WASHC5: variants seen among roughly 807,000 people sequenced by gnomAD.
WASHC5 encodes the protein WASH complex subunit 5, also known as WASH complex subunit strumpellin.
WASHC5 carries 101 observed loss-of-function variants against 150.4 expected under a neutral mutation model. The observed-to-expected ratio is 0.67, with a 90% CI of 0.57 to 0.79. The LOEUF (loss-of-function observed/expected upper bound fraction) is 0.79. Among genes scored for constraint, WASHC5 ranks in the 30% least tolerant of loss-of-function variants. The pLI, the probability that WASHC5 is intolerant of heterozygous loss-of-function variation, is 0.00. For synonymous variants in WASHC5, 467 were observed against 491.2 expected, an observed-to-expected ratio of 0.95 and a Z score of 0.65; for missense variants, 1,195 against 1,396.3, an observed-to-expected ratio of 0.86 and a Z score of 2.30.
intron 9 of WASHC5, among the ~76,000 whole-genome samples, chr8:125,072,758 C>G (rs184954034): frequency 1.5e-3 from 229 of 152,230 alleles, no homozygotes; most frequent in African/African-American, 5.4e-3. Context: ...CTCAATCCCC[C>G]TTTTTCATGT....
intron 28 of WASHC5, among the ~76,000 whole-genome samples, chr8:125,025,497 G>A (rs1392267955): frequency 6.6e-6 from 1 of 152,094 alleles, no homozygotes; most frequent in East Asian, 1.9e-4. Context: ...AGACCAGCCT[G>A]ACTAACATGG....
intron 14 of WASHC5, among the ~76,000 whole-genome samples, chr8:125,058,966 TA>T (rs959714487): frequency 6.6e-6 from 1 of 151,246 alleles, no homozygotes; most frequent in African/African-American, 2.4e-5. Context: ...AGATAAAACT[TA>T]AAAAAAAATC....
Position 125,034,484 on chromosome 8 carries a change from C to T in WASHC5, c.3182-2090G>A, listed in dbSNP as rs138456748. On this transcript the variant is annotated intron_variant, in intron 26 of 28. Coordinates refer to ENST00000318410, the MANE Select transcript of WASHC5 (RefSeq NM_014846.4). ...CGCTACTGCACTTCAGCCTGGGTGA[C>T]AGAGTGAGACTCTGTTTCAGAAAAA... Among the ~76,000 whole-genome samples the T allele has an allele frequency of 3.3e-3, 507 of 151,772 alleles. 4 individuals are homozygous for T. The highest frequency in any genetic ancestry group is 0.012 in the African/African-American group (483 of 41,358).
chr8:125,087,412 G>A (rs1817451825), intron 1 of WASHC5, among the ~76,000 whole-genome samples: 1 of 152,170 alleles, frequency 6.6e-6, no homozygotes, highest in Non-Finnish European at 1.5e-5. Context: ...GGAACAACAA[G>A]TAGGTGAGGG....
rs542980002 is a variant in WASHC5 at position 125,083,590 on chromosome 8, G to A, written c.186+123C>T. On this transcript the variant is annotated intron_variant, in intron 2 of 28. Coordinates refer to ENST00000318410, the MANE Select transcript of WASHC5 (RefSeq NM_014846.4). ...AAGTTAGTAGCTAATATTAAGTTTA[G>A]TCGAAAAGCTCTTCTCTTTAGCTTT... The A allele has an allele frequency of 2.1e-5, 16 of 758,012 alleles. No homozygotes were observed. In the Admixed American group the frequency reaches 2.1e-4, roughly 10 times the overall value. The allele number at this position is 758,012 out of a possible 1,614,324, so 47.0% of individuals were successfully genotyped here. A position where few individuals can be genotyped will look rare whatever the true frequency, so the allele number is the denominator to read the frequency against.
In WASHC5 at chr8:125,063,036, C is replaced by T. The variant is rs114810228; in HGVS notation, c.1408+486G>A. On this transcript the variant is annotated intron_variant, in intron 11 of 28. Coordinates refer to ENST00000318410, the MANE Select transcript of WASHC5 (RefSeq NM_014846.4). ...TCTGCTACTAGATAGCAGGTGCATT[C>T]GTGAACAAGAATCAAGCAAAATCAG... Among the ~76,000 whole-genome samples the T allele has an allele frequency of 6.8e-3, 1,039 of 152,098 alleles. 7 individuals are homozygous for T. The highest frequency in any genetic ancestry group is 0.024 in the African/African-American group (977 of 41,478).
intron 9 of WASHC5, among the ~76,000 whole-genome samples, chr8:125,071,919 G>C (rs1816906869): frequency 6.6e-6 from 1 of 152,210 alleles, no homozygotes; most frequent in Non-Finnish European, 1.5e-5. Flanking sequence ...AGCAGCTAAA[G>C]GCTGCCTGTA....
At chr8:125,060,677 C>A (rs1816568780) in intron 12 of WASHC5, among the ~76,000 whole-genome samples, 1 of 151,876 alleles carries the variant, frequency 6.6e-6, no homozygotes. Context: ...AGCATATGAC[C>A]ATTATATAAT....
At chr8:125,042,410 T>C (rs1815918206) in intron 23 of WASHC5, among the ~76,000 whole-genome samples, 1 of 152,198 alleles carries the variant, frequency 6.6e-6, no homozygotes. Context: ...AACATTTCCA[T>C]TGTTGTTCCA....
In WASHC5 at chr8:125,067,705, T is replaced by A; in HGVS notation, c.1165A>T (p.Asn389Tyr). 1 of 1,613,896 alleles carries A rather than the reference T, an allele frequency of 6.2e-7. No homozygotes were observed. Among genetic ancestry groups the A allele is most frequent in the Non-Finnish European group, 8.5e-7 (1 of 1,179,832 alleles). The change falls in exon 10 of 29, where the codon AAC (asparagine) becomes TAC (tyrosine). Residue 389 changes from asparagine to tyrosine, a missense_variant. By Grantham distance (143) the Asn-to-Tyr change is moderately radical. Transcript: ENST00000318410. ...HTADSACDPN[N>Y]KRLRQIKDQI... is the part of the protein sequence containing the mutation. ...TCCTTGATTTGACGAAGGCGTTTGT[T>A]GTTTGGGTCACAGGCTAGAAACAGG... is the stretch of plus-strand genomic sequence containing the variant.
In WASHC5 at chr8:125,084,028, TC is replaced by T. The variant is rs1191917729; in HGVS notation, c.-124-7del. 1.2e-5 allele frequency: 10 copies of T among 846,232 alleles called. No individual in the cohort carries two copies. The highest frequency in any genetic ancestry group is 5.1e-5 in the African/African-American group (3 of 58,430). The allele number at this position is 846,232 out of a possible 1,614,324, so 52.4% of individuals were successfully genotyped here. A position where few individuals can be genotyped will look rare whatever the true frequency, so the allele number is the denominator to read the frequency against. On this transcript the variant is annotated splice_polypyrimidine_tract_variant and splice_region_variant and intron_variant, in intron 1 of 28. Transcript: ENST00000318410. ...TGGCTCCTCCATTAAAGAACCTGTATCCCCAAAAAAAGTGTGAAAATCTCAA... is the reference window on the plus strand; with the variant it reads ...TGGCTCCTCCATTAAAGAACCTGTATCCCAAAAAAAGTGTGAAAATCTCAA...
chr8:125,078,652 AGAAG>A, intron 6 of WASHC5, 82 bp downstream of exon 6: 1 of 1,107,378 alleles, frequency 9.0e-7, no homozygotes, highest in Non-Finnish European at 1.4e-6. Flanking sequence ...CTTTTGGGAA[AGAAG>A]GAAGGAAAGG....
rs762363112 is a variant in WASHC5 at position 125,073,183 on chromosome 8, G to A, written c.1120C>T (p.Arg374Ter). The change falls in exon 9 of 29, where the codon CGA becomes TGA. Residue 374 changes from arginine to a stop codon, truncating the protein, a stop_gained. Transcript: ENST00000318410. LOFTEE classifies it high-confidence loss of function. ...TCTGCTGTATGAAGCATCAGCCATC[G>A]GATGGCAACATTGCAGTCTCTCAGG... ...NCLRDCNVAI[R>*]WLMLHTADSA... 6.8e-6 allele frequency: 11 copies of A among 1,613,972 alleles called. No homozygotes were observed. The highest frequency in any genetic ancestry group is 6.7e-5 in the East Asian group (3 of 44,884).
At chr8:125,061,391 T>C (rs2130109287) in intron 11 of WASHC5, among the ~76,000 whole-genome samples, 197 bp from the exon 12 acceptor site, 1 of 152,318 alleles carries the variant, frequency 6.6e-6, no homozygotes, top group East Asian at 1.9e-4. Context: ...AATAGCTTAG[T>C]CTACAGCACT....
chr8:125,032,688 T>A (rs1042481616), intron 26 of WASHC5: 1 of 404,886 alleles, frequency 2.5e-6, no homozygotes, highest in East Asian at 5.4e-5. Flanking sequence ...TTTTTAAAGA[T>A]ACAGATAAAT....
chr8:125,037,158 T>C lies in WASHC5; in HGVS notation c.3181+79A>G. 4 of 854,346 alleles carry C rather than the reference T, an allele frequency of 4.7e-6. No individual in the cohort carries two copies. The South Asian group carries it at 5.5e-5, about 12-fold the overall frequency. 52.9% of individuals were successfully genotyped at this position (854,346 alleles called of 1,614,324 possible). ...AAAGATCTCATATCCGACATAGGCATTCTATACAAAAAGCTATTTAGTTAA... is the reference window on the plus strand; with the variant it reads ...AAAGATCTCATATCCGACATAGGCACTCTATACAAAAAGCTATTTAGTTAA... On this transcript the variant is annotated intron_variant, in intron 26 of 28. Transcript: ENST00000318410.
chr8:125,042,773 G>A (rs1362190795), intron 23 of WASHC5, among the ~76,000 whole-genome samples: 1 of 152,114 alleles, frequency 6.6e-6, no homozygotes, highest in African/African-American at 2.4e-5. Context: ...CAATCATGAG[G>A]CTAGGGGAAG....
At chr8:125,071,567 T>C (rs1816896046) in intron 9 of WASHC5, among the ~76,000 whole-genome samples, 1 of 152,202 alleles carries the variant, frequency 6.6e-6, no homozygotes, top group South Asian at 2.1e-4. Context: ...CTTCAAAACC[T>C]CATCACACGC....
Position 125,038,964 on chromosome 8 carries a change from A to G in WASHC5, c.2955-5T>C. On this transcript the variant is annotated splice_region_variant and splice_polypyrimidine_tract_variant and intron_variant, in intron 24 of 28. Coordinates refer to ENST00000318410, the MANE Select transcript of WASHC5 (RefSeq NM_014846.4). Reference sequence around the variant, plus strand: ...TCAATGTCTGCTAGGAGAGCCCTAAAGGAAGAAAAACCCTGGAGATAAACA... The same window carrying G: ...TCAATGTCTGCTAGGAGAGCCCTAAGGGAAGAAAAACCCTGGAGATAAACA... The G allele has an allele frequency of 1.9e-6, 3 of 1,613,464 alleles. No individual in the cohort carries two copies. Among genetic ancestry groups the G allele is most frequent in the Non-Finnish European group, 2.5e-6 (3 of 1,179,494 alleles).
Sources: allele counts gnomAD v4.1 joint callset (sites outside exome capture counted in the v4.1 genomes callset), GRCh38; gene constraint gnomAD v4.1.1; transcripts MANE v1.5; gene names NCBI Gene and HGNC (gene_info 2026-07-23, HGNC 2026-07-21).